The following ZNFX1 variants were observed in gnomAD, a reference collection of about 807,000 sequenced individuals.
ZNFX1 encodes the protein NFX1-type zinc finger-containing protein 1.
ZNFX1 carries 78 observed loss-of-function variants against 179.8 expected under a neutral mutation model. That is an observed-to-expected ratio of 0.43 (90% CI 0.36 to 0.52). The LOEUF (loss-of-function observed/expected upper bound fraction) is 0.52, where lower values mean the gene tolerates loss of function less well. Among genes scored for constraint, ZNFX1 ranks in the 20% least tolerant of loss-of-function variants. The pLI, the probability that ZNFX1 is intolerant of heterozygous loss-of-function variation, is 0.00. For missense variants in ZNFX1, 1,927 were observed against 2,386.6 expected (o/e 0.81, Z 4.01); for synonymous variants, 848 against 868.5 (o/e 0.98, Z 0.42).
chr20:49,277,050 G>A (rs1007001251), intron 1 of ZNFX1, among the ~76,000 whole-genome samples: 1 of 152,036 alleles, frequency 6.6e-6, no homozygotes, highest in Non-Finnish European at 1.5e-5. Flanking sequence ...GAAGGGAGGA[G>A]TAGACATGAA....
chr20:49,249,718 G>A lies in ZNFX1; in HGVS notation c.3313-7C>T. On this transcript the variant is annotated splice_polypyrimidine_tract_variant and splice_region_variant and intron_variant, in intron 13 of 13. Coordinates refer to ENST00000396105, the MANE Select transcript of ZNFX1 (RefSeq NM_021035.3). ...AAAGGTTGGAAGACACCCCCTGACA[G>A]GGAAAAGAAGTGACATGTTAAAAGG... The A allele has an allele frequency of 6.2e-7, 1 of 1,602,196 alleles. No individual in the cohort carries two copies. The highest frequency in any genetic ancestry group is 8.5e-7 in the Non-Finnish European group (1 of 1,173,022).
chr20:49,259,654 T>G (rs1290366120), intron 7 of ZNFX1, among the ~76,000 whole-genome samples: 2 of 152,142 alleles, frequency 1.3e-5, no homozygotes, highest in Non-Finnish European at 2.9e-5. Context: ...GTCTCCAACT[T>G]CTGGGCTGAA....
At position 49,247,102 on chromosome 20, in the gene ZNFX1, C is replaced by A. The variant is rs1030604431; in HGVS notation, c.*165G>T. The A allele has an allele frequency of 3.4e-6, 3 of 877,650 alleles. No homozygotes were observed. The highest frequency in any genetic ancestry group is 3.4e-6 in the Non-Finnish European group (2 of 588,680). The allele number at this position is 877,650 out of a possible 1,614,324, so 54.4% of individuals were successfully genotyped here. On this transcript the variant is annotated 3_prime_UTR_variant, in exon 14 of 14. Coordinates refer to ENST00000396105, the MANE Select transcript of ZNFX1 (RefSeq NM_021035.3). The stretch of plus-strand genomic sequence containing the variant: ...CAGGCTGGTCTCGAACTCCTGACCT[C>A]GTGATCCGCCTGCCTCGGCCTCCCA...
chr20:49,248,610 A>C lies in ZNFX1; in HGVS notation c.4414T>G (p.Ser1472Ala). Reference sequence around the variant, plus strand: ...ATGCATGGTTCCTGGCACTTGTGTGAGCAGATAAGCAGGCGCTTGCAGGGC... The same window carrying C: ...ATGCATGGTTCCTGGCACTTGTGTGCGCAGATAAGCAGGCGCTTGCAGGGC... ...QQPCKRLLIC[S>A]HKCQEPCIGE... is the part of the protein sequence containing the mutation. The change falls in exon 14 of 14, where the codon TCA (serine) becomes GCA (alanine). Residue 1472 changes from serine (S) to alanine (A), a missense_variant. Ser to Ala is a moderately conservative substitution (Grantham distance 99). Transcript: ENST00000396105. This position sits in a 1 kb window ranked among gnomAD's most constrained non-coding sequence, Gnocchi z 4.6. 1.2e-6 allele frequency: 2 copies of C among 1,614,120 alleles called. No homozygotes were observed. The highest frequency in any genetic ancestry group is 1.7e-6 in the Non-Finnish European group (2 of 1,180,046).
Position 49,271,420 on chromosome 20 carries a change from T to C in ZNFX1, c.392A>G (p.His131Arg). The change falls in exon 3 of 14, where the codon CAC becomes CGC. Residue 131 changes from histidine (H) to arginine (R), a missense_variant. Transcript: ENST00000396105. The part of the protein sequence containing the change: ...NDNFQQWRTP[H>R]QKPTEQPQQA... ...CTGTGGCTGTTCTGTAGGCTTCTGGTGGGGAGTCCGCCACTGCTGGAAGTT... is the reference window on the plus strand; with the variant it reads ...CTGTGGCTGTTCTGTAGGCTTCTGGCGGGGAGTCCGCCACTGCTGGAAGTT... 6.2e-7 allele frequency: 1 copy of C among 1,614,086 alleles called. No homozygotes were observed. The highest frequency in any genetic ancestry group is 8.5e-7 in the Non-Finnish European group (1 of 1,180,010).
At chr20:49,263,598 A>C in intron 5 of ZNFX1, 115 bp from the exon 6 acceptor site, 1 of 1,269,252 alleles carries the variant, frequency 7.9e-7, no homozygotes, top group South Asian at 1.4e-5. Flanking sequence ...GAGAATAAAT[A>C]AATAGACTGG....
In ZNFX1 at chr20:49,257,603, T is replaced by A. The variant is rs1306977972; in HGVS notation, c.2478A>T (p.Ala826=). 1.2e-6 allele frequency: 2 copies of A among 1,613,872 alleles called. No homozygotes were observed. Among genetic ancestry groups the A allele is most frequent in the African/African-American group, 2.7e-5 (2 of 74,874 alleles). The part of the protein sequence containing the change: ...GEEESSLIEI[A]EEADLIQADR... ...CTGCTTGAATCAGGTCAGCTTCCTCTGCGATCTCTATCAGCGAACTCTCCT... is the reference window on the plus strand; with the variant it reads ...CTGCTTGAATCAGGTCAGCTTCCTCAGCGATCTCTATCAGCGAACTCTCCT... Residue 826 remains alanine (A), a synonymous_variant, in exon 8 of 14, where the codon GCA becomes GCT. Transcript: ENST00000396105.
intron 8 of ZNFX1, 91 bp from the exon 9 acceptor site, chr20:49,256,038 G>C (rs529470590): frequency 2.0e-6 from 3 of 1,469,650 alleles, no homozygotes; most frequent in African/African-American, 2.8e-5. Context: ...GTAAGAAAAA[G>C]GGCTGGCATC....
At chr20:49,257,146 A>G (rs1226161086) in intron 8 of ZNFX1, among the ~76,000 whole-genome samples, 1 of 152,200 alleles carries the variant, frequency 6.6e-6, no homozygotes, top group Non-Finnish European at 1.5e-5. Flanking sequence ...GACCTGACTC[A>G]TATGTGCTAC....
At chr20:49,255,762 G>GAAGAGGA in intron 9 of ZNFX1, 46 bp downstream of exon 9, 4 of 1,561,546 alleles carry the variant, frequency 2.6e-6, no homozygotes, top group Non-Finnish European at 3.5e-6. Context: ...TCTAGGAACA[G>GAAGAGGA]AAGAGGAACT....
At chr20:49,275,638 T>G in intron 2 of ZNFX1, 141 bp downstream of exon 2, 1 of 810,620 alleles carries the variant, frequency 1.2e-6, no homozygotes, top group Non-Finnish European at 2.0e-6. Context: ...ATTATAGGCT[T>G]GAGCCACTGC....
At position 49,266,033 on chromosome 20, in the gene ZNFX1, G is replaced by A. The variant is rs1981225074; in HGVS notation, c.2002+102C>T. The A allele has an allele frequency of 4.5e-6, 6 of 1,336,982 alleles. No homozygotes were observed. In the East Asian group the frequency reaches 1.2e-4, roughly 26 times the overall value. 82.8% of individuals were successfully genotyped at this position (1,336,982 alleles called of 1,614,324 possible). A position where few individuals can be genotyped will look rare whatever the true frequency, so the allele number is the denominator to read the frequency against. ...CAAACGGCCATGTAAGTAATGATAA[G>A]GACTGTTGACTTTGTTTGAAGAGCA... On this transcript the variant is annotated intron_variant, in intron 4 of 13. Transcript: ENST00000396105.
rs1981407916 is a variant in ZNFX1, at chr20:49,271,701, G to A, written c.111C>T (p.Asn37=). The part of the protein sequence containing the change: ...LPPRARNQAN[N]PPANALRGGA... ...CTCCTCGGAGAGCATTGGCTGGTGG[G>A]TTATTGGCCTGATTTCTAGCTCTTG... Residue 37 remains asparagine, a synonymous_variant, in exon 3 of 14, where the codon AAC becomes AAT. Coordinates refer to ENST00000396105, the MANE Select transcript of ZNFX1 (RefSeq NM_021035.3). 6.2e-7 allele frequency: 1 copy of A among 1,613,770 alleles called. No individual in the cohort carries two copies. Among genetic ancestry groups the A allele is most frequent in the Admixed American group, 1.7e-5 (1 of 59,976 alleles).
chr20:49,255,957 T>A lies in ZNFX1; in HGVS notation c.2665-10A>T. On this transcript the variant is annotated splice_polypyrimidine_tract_variant and intron_variant, in intron 8 of 13. Transcript: ENST00000396105. ...TCTGGTTGCGCTGGGTCTGCAGACA[T>A]CAATACCAGGCAGGGTACTGTCTGA... 5 of 1,613,694 alleles carry A rather than the reference T, an allele frequency of 3.1e-6. No homozygotes were observed. Among genetic ancestry groups the A allele is most frequent in the Non-Finnish European group, 3.4e-6 (4 of 1,179,860 alleles).
At chr20:49,265,787 T>TA (rs1375462508) in intron 4 of ZNFX1, among the ~76,000 whole-genome samples, 1 of 152,122 alleles carries the variant, frequency 6.6e-6, no homozygotes, top group Non-Finnish European at 1.5e-5. Context: ...AAGAGAGATT[T>TA]AAAGTGGGAC....
At position 49,247,206 on chromosome 20, in the gene ZNFX1, AT is replaced by A; in HGVS notation, c.*60del. 1.3e-6 allele frequency: 2 copies of A among 1,534,116 alleles called. No homozygotes were observed. The highest frequency in any genetic ancestry group is 1.3e-5 in the South Asian group (1 of 77,382). On this transcript the variant is annotated 3_prime_UTR_variant, in exon 14 of 14. Transcript: ENST00000396105. The stretch of plus-strand genomic sequence containing the variant: ...ATAAAAAACAAACTTCAGTTCCTTC[AT>A]TAGGGAGCTGGCCCCAGTCATTCAG...
In ZNFX1 at chr20:49,271,578, A is replaced by G; in HGVS notation, c.234T>C (p.His78=). 6.2e-7 allele frequency: 1 copy of G among 1,614,024 alleles called. No homozygotes were observed. ...GCCCCTCCTGGTTCCTCCTTCCTTG[A>G]TGTGGGTTCCTGCCCATGGCCCTAA... The part of the protein sequence containing the change: ...ERFRAMGRNP[H]QGRRNQEGHA... Residue 78 remains histidine, a synonymous_variant, in exon 3 of 14, where the codon CAT becomes CAC. Coordinates refer to ENST00000396105, the MANE Select transcript of ZNFX1 (RefSeq NM_021035.3).
Position 49,246,974 on chromosome 20 carries a change from T to C in ZNFX1, c.*293A>G, listed in dbSNP as rs1469943283. ...ACCTCCGCCTCCTGGGTTTAAGCGATTCTTCTGCCTCAGCCTCCCAAGTAG... is the reference window on the plus strand; with the variant it reads ...ACCTCCGCCTCCTGGGTTTAAGCGACTCTTCTGCCTCAGCCTCCCAAGTAG... On this transcript the variant is annotated 3_prime_UTR_variant, in exon 14 of 14. Transcript: ENST00000396105. 2.3e-5 allele frequency: 10 copies of C among 437,514 alleles called. No homozygotes were observed. Among genetic ancestry groups the C allele is most frequent in the Non-Finnish European group, 4.3e-5 (10 of 230,060 alleles). 27.1% of individuals were successfully genotyped at this position (437,514 alleles called of 1,614,324 possible).
Position 49,271,365 on chromosome 20 carries a change from T to C in ZNFX1, c.447A>G (p.Leu149=). The C allele has an allele frequency of 1.9e-6, 3 of 1,614,146 alleles. No individual in the cohort carries two copies. The Middle Eastern group carries it at 4.9e-4, about 266-fold the overall frequency. Residue 149 remains leucine (L), a synonymous_variant, in exon 3 of 14, where the codon TTA becomes TTG. Coordinates refer to ENST00000396105, the MANE Select transcript of ZNFX1 (RefSeq NM_021035.3). ...QQAKKLGYKF[L]ESLLQKDPSE... ...AAGGGTCTTTCTGCAGAAGACTTTC[T>C]AAGAACTTGTAGCCCAGTTTCTTCG...
Sources: gnomAD v4.1 joint callset for allele counts (sites outside exome capture counted in the v4.1 genomes callset) on GRCh38, gnomAD v4.1.1 for gene constraint, Gnocchi (gnomAD v3.1) non-coding constraint, MANE v1.5 for transcripts, NCBI Gene and HGNC (gene_info 2026-07-23, HGNC 2026-07-21) for gene names.